SPATA21: variants seen among roughly 807,000 people sequenced by gnomAD.
SPATA21 encodes spermatogenesis associated 21.
In SPATA21, 47 loss-of-function variants were observed where a neutral mutation model predicts 54.8. The ratio of observed to expected loss-of-function variants is 0.86; its 90% confidence interval spans 0.68 to 1.09. The LOEUF (loss-of-function observed/expected upper bound fraction) is 1.09. SPATA21 is among the 50% of genes least tolerant of loss of function. The pLI is 0.00. For synonymous variants in SPATA21, 245 were observed against 235.3 expected, an observed-to-expected ratio of 1.04 and a Z score of -0.38; for missense variants, 599 against 596.4, an observed-to-expected ratio of 1.00 and a Z score of -0.05.
downstream of SPATA21, among the ~76,000 whole-genome samples, chr1:16,398,469 A>C (rs775877930): frequency 2.4e-4 from 37 of 152,164 alleles, no homozygotes; most frequent in Non-Finnish European, 4.9e-4. Flanking sequence ...TCACCTGAGG[A>C]GAGGCCTAGC....
At chr1:16,403,202 A>G (rs777985832) in intron 10 of SPATA21, among the ~76,000 whole-genome samples, 13 of 152,290 alleles carry the variant, frequency 8.5e-5, no homozygotes, top group Non-Finnish European at 1.6e-4. Context: ...GATAGGGTCC[A>G]TCGAATTCCT....
At chr1:16,427,409 G>A (rs888088915) in intron 3 of SPATA21, among the ~76,000 whole-genome samples, 2 of 151,828 alleles carry the variant, frequency 1.3e-5, no homozygotes, top group East Asian at 1.9e-4. Context: ...TATCTGGCTC[G>A]CTCTTGATTT....
At chr1:16,422,237 G>A (rs761766904) in intron 3 of SPATA21, 17 of 1,395,942 alleles carry the variant, frequency 1.2e-5, no homozygotes, top group East Asian at 2.7e-5. Flanking sequence ...CTCCATCCTC[G>A]TTCCCAGGTG....
At chr1:16,437,492 G>A (rs1264844705), upstream of SPATA21, 1 of 152,132 alleles carries the variant, frequency 6.6e-6, no homozygotes, top group African/African-American at 2.4e-5. Flanking sequence ...TTGGGCCAGG[G>A]TACTCTCTCC....
intron 5 of SPATA21, among the ~76,000 whole-genome samples, chr1:16,410,398 A>G (rs2085805815): frequency 6.7e-6 from 1 of 149,310 alleles, no homozygotes. Flanking sequence ...GCCGCGCACT[A>G]CAACGCCCAG....
At chr1:16,425,611 C>T (rs1348622376) in intron 3 of SPATA21, 1 of 1,550,198 alleles carries the variant, frequency 6.5e-7, no homozygotes, top group Non-Finnish European at 8.7e-7. Flanking sequence ...CGGAGCCCAG[C>T]TGCTGCAGCC....
At position 16,415,801 on chromosome 1, in the gene SPATA21, G is replaced by A. The variant is rs554404698; in HGVS notation, c.144+5708C>T. Reference sequence around the variant, plus strand: ...TCTCGATCTCCTGACCTTGTGATCCGCCCACCTCGGCCTCCCAAAGTGCTG... The same window carrying A: ...TCTCGATCTCCTGACCTTGTGATCCACCCACCTCGGCCTCCCAAAGTGCTG... On this transcript the variant is annotated intron_variant, in intron 5 of 12. Transcript: ENST00000335496. Among the ~76,000 whole-genome samples the A allele has an allele frequency of 9.9e-5, 15 of 152,124 alleles. No homozygotes were observed. The South Asian group carries it at 1.2e-3, about 13-fold the overall frequency.
chr1:16,431,881 C>T (rs1258715819), intron 2 of SPATA21, among the ~76,000 whole-genome samples: 1 of 152,116 alleles, frequency 6.6e-6, no homozygotes. Context: ...TTCTCAGAGC[C>T]TTTAAAATAC....
chr1:16,416,800 C>G (rs1485655742), intron 5 of SPATA21, among the ~76,000 whole-genome samples: 2 of 152,108 alleles, frequency 1.3e-5, no homozygotes, highest in African/African-American at 4.8e-5. Context: ...GCCTTCAAGG[C>G]TTTAGCCCAG....
chr1:16,405,054 G>C lies in SPATA21; in HGVS notation c.724C>G (p.Gln242Glu). 6.2e-7 allele frequency: 1 copy of C among 1,610,542 alleles called. No individual in the cohort carries two copies. The highest frequency in any genetic ancestry group is 8.5e-7 in the Non-Finnish European group (1 of 1,178,812). ...AGGAGCAGGATATTCTTCAGGCTCT[G>C]TGCATCCACCTCACCAGGACCATTG... ...IFNGPGEVDA[Q>E]SLKNILLLMG... is the part of the protein sequence containing the mutation. Residue 242 changes from glutamine (Q) to glutamate (E), a missense_variant, in exon 8 of 13, where the codon CAG (glutamine) becomes GAG (glutamate). Physicochemically the swap from Gln to Glu is conservative, Grantham distance 29. Transcript: ENST00000335496.
At chr1:16,418,153 ATT>A (rs2086066477) in intron 5 of SPATA21, among the ~76,000 whole-genome samples, 3 of 152,202 alleles carry the variant, frequency 2.0e-5, no homozygotes, top group Non-Finnish European at 4.4e-5. Context: ...GCAGAGCTAA[ATT>A]GTGCCCTCTC....
intron 10 of SPATA21, among the ~76,000 whole-genome samples, chr1:16,403,428 T>C (rs1292533498): frequency 6.6e-6 from 1 of 152,024 alleles, no homozygotes; most frequent in Non-Finnish European, 1.5e-5. Flanking sequence ...ACCCAACCAG[T>C]GATTTGAGCC....
chr1:16,402,448 A>T, intron 10 of SPATA21, among the ~76,000 whole-genome samples: 1 of 150,782 alleles, frequency 6.6e-6, no homozygotes. Flanking sequence ...TTTTCAGTAG[A>T]GACGAGGTTT....
At chr1:16,408,199 G>A (rs1028076768) in intron 7 of SPATA21, among the ~76,000 whole-genome samples, 1 of 152,184 alleles carries the variant, frequency 6.6e-6, no homozygotes, top group Non-Finnish European at 1.5e-5. Context: ...GAGAGGAGTA[G>A]GGGATGGAAG....
chr1:16,427,974 G>A (rs1157353297), intron 3 of SPATA21: 2 of 1,550,138 alleles, frequency 1.3e-6, no homozygotes, highest in Admixed American at 2.0e-5. Flanking sequence ...CTGATGAGAG[G>A]TGCTTCTTGC....
At chr1:16,400,393 G>A in intron 11 of SPATA21, 1 of 993,482 alleles carries the variant, frequency 1.0e-6, no homozygotes, top group East Asian at 7.6e-5. Context: ...TCTGCAAAGG[G>A]CCTAGCACAG....
chr1:16,402,368 TCTC>T (rs1401644698), intron 10 of SPATA21, among the ~76,000 whole-genome samples: 2 of 144,566 alleles, frequency 1.4e-5, no homozygotes, highest in East Asian at 4.4e-4. Flanking sequence ...TTCACGTCAT[TCTC>T]CTGCCTCAGC....
chr1:16,420,635 C>T (rs1325690537), intron 5 of SPATA21, among the ~76,000 whole-genome samples: 3 of 151,928 alleles, frequency 2.0e-5, no homozygotes, highest in African/African-American at 4.8e-5. Context: ...GGGGAGGGGA[C>T]GAGAGCTAAT....
chr1:16,437,656 T>C (rs2086614824), upstream of SPATA21, among the ~76,000 whole-genome samples: 1 of 152,262 alleles, frequency 6.6e-6, no homozygotes, highest in Non-Finnish European at 1.5e-5. Flanking sequence ...AGCTCCAGGA[T>C]GGTAGGAGCT....
Sources: gnomAD v4.1 joint callset for allele counts (sites outside exome capture counted in the v4.1 genomes callset) on GRCh38, gnomAD v4.1.1 for gene constraint, MANE v1.5 for transcripts, NCBI Gene and HGNC (gene_info 2026-07-23, HGNC 2026-07-21) for gene names.